The following EXOC4 variants were observed in gnomAD, a reference collection of about 807,000 sequenced individuals.
EXOC4 encodes SEC8-like 1.
In EXOC4, 71 loss-of-function variants were observed where a neutral mutation model predicts 107.2. That is an observed-to-expected ratio of 0.66 (90% CI 0.55 to 0.81). The LOEUF (loss-of-function observed/expected upper bound fraction) is 0.81. EXOC4 is among the 30% of genes least tolerant of loss of function. The probability of loss-of-function intolerance (pLI) is 0.00; values close to 1 mark genes in which losing one functional copy is unlikely to be tolerated. For synonymous variants in EXOC4, 456 were observed against 441.2 expected (o/e 1.03, Z -0.42); for missense variants, 1,108 against 1,189.6 (o/e 0.93, Z 1.01).
intron 15 of EXOC4, among the ~76,000 whole-genome samples, chr7:134,000,818 A>G (rs538842823): frequency 1.3e-5 from 2 of 152,292 alleles, no homozygotes; most frequent in African/African-American, 4.8e-5. Context: ...AATAGTACAG[A>G]TAGAAGAAAA....
At chr7:133,443,054 G>A (rs1217337460) in intron 7 of EXOC4, among the ~76,000 whole-genome samples, 2 of 152,174 alleles carry the variant, frequency 1.3e-5, no homozygotes, top group African/African-American at 4.8e-5. Context: ...AAGTAGTGGA[G>A]TGAGAAGCCC....
chr7:133,534,524 C>T (rs1216880032), intron 9 of EXOC4, among the ~76,000 whole-genome samples: 1 of 152,174 alleles, frequency 6.6e-6, no homozygotes, highest in Non-Finnish European at 1.5e-5. Context: ...AATAGCTACT[C>T]ATCAGCAAAG....
chr7:133,732,023 A>G (rs1795337692), intron 10 of EXOC4, among the ~76,000 whole-genome samples: 1 of 152,208 alleles, frequency 6.6e-6, no homozygotes, highest in African/African-American at 2.4e-5. Flanking sequence ...TCACAATAGC[A>G]AAGACATGGA....
chr7:133,997,084 CGCCAGCAT>C (rs1440721263), intron 14 of EXOC4, among the ~76,000 whole-genome samples: 1 of 152,138 alleles, frequency 6.6e-6, no homozygotes, highest in Non-Finnish European at 1.5e-5. Flanking sequence ...AGTTTCCTTT[CGCCAGCAT>C]TTGTGTAAGT....
intron 14 of EXOC4, among the ~76,000 whole-genome samples, chr7:133,958,677 G>A (rs1800871808): frequency 6.6e-6 from 1 of 152,178 alleles, no homozygotes; most frequent in South Asian, 2.1e-4. Flanking sequence ...AGGAAATGAA[G>A]ATAAGGCTAA....
At chr7:133,554,523 G>A (rs142158719) in intron 9 of EXOC4, among the ~76,000 whole-genome samples, 112 of 152,216 alleles carry the variant, frequency 7.4e-4, no homozygotes, top group African/African-American at 2.5e-3. Context: ...CTACTAAATT[G>A]ATGCCTTTTC....
intron 10 of EXOC4, among the ~76,000 whole-genome samples, chr7:133,757,164 CTCT>C (rs1367125202): frequency 1.3e-5 from 2 of 152,024 alleles, no homozygotes; most frequent in Non-Finnish European, 2.9e-5. Flanking sequence ...TTCCAGGGCC[CTCT>C]TCTTACATGG....
intron 10 of EXOC4, among the ~76,000 whole-genome samples, chr7:133,753,800 C>T (rs557416563): frequency 2.7e-3 from 410 of 152,214 alleles, no homozygotes; most frequent in African/African-American, 9.7e-3. Context: ...GAGGCTGGAG[C>T]CTAACGGCCT....
At chr7:133,976,676 T>C (rs1482620694) in intron 14 of EXOC4, among the ~76,000 whole-genome samples, 1 of 152,194 alleles carries the variant, frequency 6.6e-6, no homozygotes, top group African/African-American at 2.4e-5. Context: ...GGCCTTACCA[T>C]GGAAGAAACA....
chr7:133,697,083 A>T (rs1794551047), intron 10 of EXOC4, among the ~76,000 whole-genome samples: 2 of 152,084 alleles, frequency 1.3e-5, no homozygotes, highest in Admixed American at 6.6e-5. Flanking sequence ...GGTGATTCTC[A>T]TACTATAGGG....
intron 14 of EXOC4, among the ~76,000 whole-genome samples, chr7:133,941,467 T>A (rs1055942670): frequency 6.6e-6 from 1 of 152,152 alleles, no homozygotes; most frequent in Non-Finnish European, 1.5e-5. Context: ...AAACTAATTA[T>A]TTTTTTCCTA....
intron 12 of EXOC4, among the ~76,000 whole-genome samples, chr7:133,909,616 G>A (rs1799645815): frequency 6.6e-6 from 1 of 152,198 alleles, no homozygotes; most frequent in Non-Finnish European, 1.5e-5. Context: ...CTGCACATGA[G>A]AATCACATGG....
chr7:133,693,685 T>A (rs1247902033), intron 10 of EXOC4, among the ~76,000 whole-genome samples: 3 of 152,144 alleles, frequency 2.0e-5, no homozygotes. Context: ...TAAAATGCTG[T>A]CTATATTCTC....
At chr7:133,847,273 G>T (rs1798145868) in intron 11 of EXOC4, among the ~76,000 whole-genome samples, 1 of 152,044 alleles carries the variant, frequency 6.6e-6, no homozygotes, top group Non-Finnish European at 1.5e-5. Flanking sequence ...TGTTCACTAT[G>T]ATATACTATG....
intron 7 of EXOC4, among the ~76,000 whole-genome samples, chr7:133,431,210 C>G (rs1310917197): frequency 6.6e-6 from 1 of 152,132 alleles, no homozygotes; most frequent in Non-Finnish European, 1.5e-5. Context: ...CCATTGCTGA[C>G]CTGATACAGA....
In EXOC4 at chr7:133,723,210, G is replaced by A. The variant is rs1265145614; in HGVS notation, c.1514+93069G>A. On this transcript the variant is annotated intron_variant, in intron 10 of 17. Coordinates refer to ENST00000253861, the MANE Select transcript of EXOC4 (RefSeq NM_021807.4). ...AAAAAGTGTTACAAGGGGTAGAAAA[G>A]AGGGGAGAAGAGGTCAGGCAGTTTA... Among the ~76,000 whole-genome samples, 4 of 152,212 alleles carry A rather than the reference G, an allele frequency of 2.6e-5. No individual in the cohort carries two copies. In the South Asian group the frequency reaches 8.3e-4, roughly 31 times the overall value.
chr7:134,032,194 T>C (rs1272120123), intron 17 of EXOC4, among the ~76,000 whole-genome samples: 3 of 152,192 alleles, frequency 2.0e-5, no homozygotes, highest in Non-Finnish European at 4.4e-5. Flanking sequence ...TATAACTACA[T>C]TACCTAGAAA....
At chr7:133,598,216 A>G (rs1288879963) in intron 9 of EXOC4, among the ~76,000 whole-genome samples, 1 of 152,218 alleles carries the variant, frequency 6.6e-6, no homozygotes, top group Admixed American at 6.5e-5. Context: ...TAATTCTGAG[A>G]AAAAATCAGG....
At chr7:134,010,799 T>C (rs1157677073) in intron 17 of EXOC4, among the ~76,000 whole-genome samples, 1 of 152,244 alleles carries the variant, frequency 6.6e-6, no homozygotes, top group Non-Finnish European at 1.5e-5. Context: ...CTTCTCAGCC[T>C]TCCTGGCCAG....
Sources: gnomAD v4.1 joint callset for allele counts (sites outside exome capture counted in the v4.1 genomes callset) on GRCh38, gnomAD v4.1.1 for gene constraint, MANE v1.5 for transcripts, NCBI Gene and HGNC (gene_info 2026-07-23, HGNC 2026-07-21) for gene names.